The following CRMP1 variants were observed in gnomAD, a reference collection of about 807,000 sequenced individuals.
CRMP1 encodes the protein collapsin response mediator protein 1.
A neutral mutation model predicts 68.3 loss-of-function variants in CRMP1; 19 were observed. That is an observed-to-expected ratio of 0.28 (90% CI 0.19 to 0.41). The LOEUF is 0.41. CRMP1 is among the 10% of genes least tolerant of loss of function. CRMP1 has a pLI of 1.00. For synonymous variants in CRMP1, 439 were observed against 399.6 expected (o/e 1.10, Z -1.18); for missense variants, 791 against 967.4 (o/e 0.82, Z 2.42).
intron 1 of CRMP1, among the ~76,000 whole-genome samples, chr4:5,868,733 C>T (rs1388158552): frequency 2.6e-5 from 4 of 152,138 alleles, no homozygotes; most frequent in Non-Finnish European, 4.4e-5. Flanking sequence ...ACGTATTTTG[C>T]TGCAATGAAC....
At position 5,877,391 on chromosome 4, in the gene CRMP1, A is replaced by G. The variant is rs1237679552; in HGVS notation, c.382-10635T>C. ...TATAGCTCAAATACGTCAAACTTCC[A>G]TGACTTGGTCCCTACCTTGAATAAC... On this transcript the variant is annotated intron_variant, in intron 1 of 13. Coordinates refer to ENST00000324989, the MANE Select transcript of CRMP1 (RefSeq NM_001014809.3). This position sits in a 1 kb window ranked among gnomAD's most constrained non-coding sequence, Gnocchi z 4.3. Among the ~76,000 whole-genome samples the G allele has an allele frequency of 2.0e-5, 3 of 152,234 alleles. No individual in the cohort carries two copies. Among genetic ancestry groups the G allele is most frequent in the African/African-American group, 7.2e-5 (3 of 41,466 alleles).
Position 5,821,983 on chromosome 4 carries a change from A to C in CRMP1, c.1970-132T>G. 1.6e-6 allele frequency: 1 copy of C among 633,416 alleles called. No individual in the cohort carries two copies. Among genetic ancestry groups the C allele is most frequent in the East Asian group, 2.8e-5 (1 of 36,160 alleles). The allele number at this position is 633,416 out of a possible 1,614,324, so 39.2% of individuals were successfully genotyped here. A position where few individuals can be genotyped will look rare whatever the true frequency, so the allele number is the denominator to read the frequency against. On this transcript the variant is annotated intron_variant, in intron 13 of 13. Transcript: ENST00000324989. This position sits in a 1 kb window ranked among gnomAD's most constrained non-coding sequence, Gnocchi z 4.4. Reference sequence around the variant, plus strand: ...TTCAGGGCTCAGTCCAGGACCAGCCATGGGAAGCCTCCCTGGCCTCCACAG... The same window carrying C: ...TTCAGGGCTCAGTCCAGGACCAGCCCTGGGAAGCCTCCCTGGCCTCCACAG...
chr4:5,821,731 T>C lies in CRMP1; in HGVS notation c.*29A>G. 1.3e-6 allele frequency: 2 copies of C among 1,573,650 alleles called. No homozygotes were observed. Among genetic ancestry groups the C allele is most frequent in the Non-Finnish European group, 1.7e-6 (2 of 1,154,134 alleles). ...GGGATGGACATGATTCCCAGAATCC[T>C]TCAGGCTAGCTCCTCCGCGCATCCA... is the stretch of plus-strand genomic sequence containing the variant. On this transcript the variant is annotated 3_prime_UTR_variant, in exon 14 of 14. Transcript: ENST00000324989. This position sits in a 1 kb window ranked among gnomAD's most constrained non-coding sequence, Gnocchi z 4.4.
chr4:5,881,591 G>C lies in CRMP1; in HGVS notation c.381+10998C>G, dbSNP rs933789105. Among the ~76,000 whole-genome samples, 2 of 151,970 alleles carry C rather than the reference G, an allele frequency of 1.3e-5. No individual in the cohort carries two copies. The highest frequency in any genetic ancestry group is 2.9e-5 in the Non-Finnish European group (2 of 68,002). On this transcript the variant is annotated intron_variant, in intron 1 of 13. Transcript: ENST00000324989. This position sits in a 1 kb window ranked among gnomAD's most constrained non-coding sequence, Gnocchi z 4.6. The stretch of plus-strand genomic sequence containing the variant: ...ACCATGTTCTTTTATATGCTCTCAC[G>C]GCAAAGTCCTCCGGTGTTCCTCTTC...
rs1192884731 is a variant in CRMP1 at position 5,850,805 on chromosome 4, T to G, written c.882+603A>C. Among the ~76,000 whole-genome samples, 1 of 152,166 alleles carries G rather than the reference T, an allele frequency of 6.6e-6. No individual in the cohort carries two copies. Among genetic ancestry groups the G allele is most frequent in the African/African-American group, 2.4e-5 (1 of 41,446 alleles). On this transcript the variant is annotated intron_variant, in intron 5 of 13. Transcript: ENST00000324989. This position sits in a 1 kb window ranked among gnomAD's most constrained non-coding sequence, Gnocchi z 4.4. ...GAAACAAAACTAGGAGACCCAGTAGTATAAGAAGGCCAGGTGTCCTGTAAG... is the reference window on the plus strand; with the variant it reads ...GAAACAAAACTAGGAGACCCAGTAGGATAAGAAGGCCAGGTGTCCTGTAAG...
chr4:5,868,306 T>C (rs1382756263), intron 1 of CRMP1, among the ~76,000 whole-genome samples: 2 of 136,318 alleles, frequency 1.5e-5, no homozygotes, highest in African/African-American at 5.4e-5. Flanking sequence ...TATATATACA[T>C]AATTTTTTTT....
Position 5,872,780 on chromosome 4 carries a change from T to C in CRMP1, c.382-6024A>G, listed in dbSNP as rs1714548168. 6.6e-6 allele frequency among the ~76,000 whole-genome samples: 1 copy of C among 152,242 alleles called. No homozygotes were observed. Among genetic ancestry groups the C allele is most frequent in the South Asian group, 2.1e-4 (1 of 4,836 alleles). The stretch of plus-strand genomic sequence containing the variant: ...ACAGCTGAATTGATTAGCTAGGGCA[T>C]GTCAGAGATACAGTTCGTTCCACAG... On this transcript the variant is annotated intron_variant, in intron 1 of 13. Coordinates refer to ENST00000324989, the MANE Select transcript of CRMP1 (RefSeq NM_001014809.3). This position sits in a 1 kb window ranked among gnomAD's most constrained non-coding sequence, Gnocchi z 4.6.
intron 1 of CRMP1, among the ~76,000 whole-genome samples, chr4:5,884,576 A>G (rs1715444262): frequency 6.6e-6 from 1 of 152,004 alleles, no homozygotes; most frequent in Admixed American, 6.6e-5. Flanking sequence ...CCACTGGCCA[A>G]TGAAGAACCT....
At chr4:5,874,912 C>G (rs1293052350) in intron 1 of CRMP1, among the ~76,000 whole-genome samples, 1 of 152,084 alleles carries the variant, frequency 6.6e-6, no homozygotes, top group East Asian at 2.0e-4. Context: ...ACAGATGCTG[C>G]AGGAAGGCGT....
chr4:5,828,607 C>G lies in CRMP1; in HGVS notation c.1685G>C (p.Ser562Thr). The change falls in exon 12 of 14, where the codon AGC becomes ACC. Residue 562 changes from serine to threonine, a missense_variant. Coordinates refer to ENST00000324989, the MANE Select transcript of CRMP1 (RefSeq NM_001014809.3). ...ECHGSPLVVI[S>T]QGKIVFEDGN... ...GTCTTCAAAGACGATCTTGCCCTGGCTGATGACCACTAGTGGGGAGCCGTG... is the reference window on the plus strand; with the variant it reads ...GTCTTCAAAGACGATCTTGCCCTGGGTGATGACCACTAGTGGGGAGCCGTG... The G allele has an allele frequency of 6.2e-7, 1 of 1,614,216 alleles. No homozygotes were observed. Among genetic ancestry groups the G allele is most frequent in the South Asian group, 1.1e-5 (1 of 91,076 alleles).
chr4:5,862,201 C>T lies in CRMP1; in HGVS notation c.471-991G>A, dbSNP rs79231880. 8.5e-3 allele frequency among the ~76,000 whole-genome samples: 1,299 copies of T among 152,310 alleles called. 17 individuals are homozygous for T. The highest frequency in any genetic ancestry group is 0.03 in the African/African-American group (1,241 of 41,556). ...CCACCTCCACCAGGATCACCACCACCGCTGCTTTTAATAACCAATCCCTTA... is the reference window on the plus strand; with the variant it reads ...CCACCTCCACCAGGATCACCACCACTGCTGCTTTTAATAACCAATCCCTTA... On this transcript the variant is annotated intron_variant, in intron 2 of 13. Coordinates refer to ENST00000324989, the MANE Select transcript of CRMP1 (RefSeq NM_001014809.3).
In CRMP1 at chr4:5,821,904, C is replaced by T. The variant is rs1718642996; in HGVS notation, c.1970-53G>A. 2.0e-6 allele frequency: 3 copies of T among 1,500,968 alleles called. No homozygotes were observed. The highest frequency in any genetic ancestry group is 2.4e-5 in the South Asian group (2 of 84,156). 93.0% of individuals were successfully genotyped at this position (1,500,968 alleles called of 1,614,324 possible). A position where few individuals can be genotyped will look rare whatever the true frequency, so the allele number is the denominator to read the frequency against. On this transcript the variant is annotated intron_variant, in intron 13 of 13. Transcript: ENST00000324989. The surrounding 1 kb of genome is among the most constrained non-coding windows in gnomAD (Gnocchi z 4.4). ...ATGGGATCTGTTAGCATCAGTTCCA[C>T]GCTGCTCCTGGAGGCCATGTACTCT...
At chr4:5,868,683 T>C (rs528803302) in intron 1 of CRMP1, among the ~76,000 whole-genome samples, 2 of 152,276 alleles carry the variant, frequency 1.3e-5, no homozygotes, top group African/African-American at 2.4e-5. Flanking sequence ...ATTTCCCCCA[T>C]TGTTGGTTAC....
chr4:5,883,895 G>A lies in CRMP1; in HGVS notation c.381+8694C>T, dbSNP rs1003269022. Among the ~76,000 whole-genome samples the A allele has an allele frequency of 5.9e-5, 9 of 152,308 alleles. No homozygotes were observed. The highest frequency in any genetic ancestry group is 1.9e-4 in the East Asian group (1 of 5,176). On this transcript the variant is annotated intron_variant, in intron 1 of 13. Coordinates refer to ENST00000324989, the MANE Select transcript of CRMP1 (RefSeq NM_001014809.3). The surrounding 1 kb of genome is among the most constrained non-coding windows in gnomAD (Gnocchi z 4.5). ...TTCACGGTTAAGGTGGTATAGTTAC[G>A]TCACTTTCACTTTTATGTCCCCTCT...
At position 5,881,944 on chromosome 4, in the gene CRMP1, C is replaced by T. The variant is rs967324998; in HGVS notation, c.381+10645G>A. Among the ~76,000 whole-genome samples the T allele has an allele frequency of 1.3e-5, 2 of 152,134 alleles. No homozygotes were observed. The highest frequency in any genetic ancestry group is 2.9e-5 in the Non-Finnish European group (2 of 68,036). On this transcript the variant is annotated intron_variant, in intron 1 of 13. Coordinates refer to ENST00000324989, the MANE Select transcript of CRMP1 (RefSeq NM_001014809.3). This position sits in a 1 kb window ranked among gnomAD's most constrained non-coding sequence, Gnocchi z 4.6. ...CTCTCACCCTCATTCCAATCTATTCCTTATTGTCCATTGAGACACCTCAAT... is the reference window on the plus strand; with the variant it reads ...CTCTCACCCTCATTCCAATCTATTCTTTATTGTCCATTGAGACACCTCAAT...
At chr4:5,847,443 C>G (rs1712307533) in intron 6 of CRMP1, among the ~76,000 whole-genome samples, 1 of 152,098 alleles carries the variant, frequency 6.6e-6, no homozygotes, top group South Asian at 2.1e-4. Flanking sequence ...CAGATGTGGC[C>G]CTAATAATTC....
intron 11 of CRMP1, among the ~76,000 whole-genome samples, chr4:5,832,725 G>A (rs1457892365): frequency 6.6e-6 from 1 of 152,174 alleles, no homozygotes; most frequent in Non-Finnish European, 1.5e-5. Flanking sequence ...CTCACACAGA[G>A]AGGGGATGCT....
chr4:5,833,159 C>CTTT lies in CRMP1; in HGVS notation c.1623+2753_1623+2755dup, dbSNP rs1160531301. Among the ~76,000 whole-genome samples the CTTT allele has an allele frequency of 1.9e-3, 162 of 84,636 alleles. 1 individual carries two copies. Among genetic ancestry groups the CTTT allele is most frequent in the African/African-American group, 2.8e-3 (43 of 15,374 alleles). The allele number at this position is 84,636 out of a possible 152,430, so 55.5% of individuals were successfully genotyped here. A position where few individuals can be genotyped will look rare whatever the true frequency, so the allele number is the denominator to read the frequency against. ...TGGTTTCAACTTCTACCTTCCAGAA[C>CTTT]TTTTTTTTTTTTTTTTTTTTTTTTT... On this transcript the variant is annotated intron_variant, in intron 11 of 13. Transcript: ENST00000324989.
In CRMP1 at chr4:5,866,653, T is replaced by G. The variant is rs1195074058; in HGVS notation, c.470+15A>C. 3 of 1,604,880 alleles carry G rather than the reference T, an allele frequency of 1.9e-6. No homozygotes were observed. The highest frequency in any genetic ancestry group is 2.7e-5 in the African/African-American group (2 of 74,530). On this transcript the variant is annotated intron_variant, in intron 2 of 13. Transcript: ENST00000324989. The surrounding 1 kb of genome is among the most constrained non-coding windows in gnomAD (Gnocchi z 5.9). The stretch of plus-strand genomic sequence containing the variant: ...CGACACAGGTTTCTTAAAAGGTCCG[T>G]TTTGATCAACCCACTTGATAAGTCC...
Sources: allele counts gnomAD v4.1 joint callset (sites outside exome capture counted in the v4.1 genomes callset), GRCh38; gene constraint gnomAD v4.1.1; non-coding constraint Gnocchi (gnomAD v3.1); transcripts MANE v1.5; gene names NCBI Gene and HGNC (gene_info 2026-07-23, HGNC 2026-07-21).